The following KIF26B variants were observed in gnomAD, a reference collection of about 807,000 sequenced individuals.
The protein encoded by KIF26B is kinesin family member 26B.
In KIF26B, 63 loss-of-function variants were observed where a neutral mutation model predicts 151.2. That is an observed-to-expected ratio of 0.42 (90% CI 0.34 to 0.51). The LOEUF (loss-of-function observed/expected upper bound fraction) is 0.51, where lower values mean the gene tolerates loss of function less well. Among genes scored for constraint, KIF26B ranks in the 20% least tolerant of loss-of-function variants. The pLI, the probability that KIF26B is intolerant of heterozygous loss-of-function variation, is 0.07. For synonymous variants in KIF26B, 1,357 were observed against 1,262.1 expected (o/e 1.08, Z -1.59); for missense variants, 2,813 against 2,913.6 (o/e 0.97, Z 0.79).
At chr1:245,184,050 G>GTTGTTTTTTTTTTTTTTTTTTTTTTT (rs1553332271) in intron 2 of KIF26B, among the ~76,000 whole-genome samples, 10 of 19,808 alleles carry the variant, frequency 5.0e-4, no homozygotes, top group East Asian at 1.7e-3. Context: ...GGGAGTTGTT[G>GTTGTTTTTTTTTTTTTTTTTTTTTTT]TTTTTTTTTT....
intron 4 of KIF26B, among the ~76,000 whole-genome samples, chr1:245,481,651 GC>G (rs1660169797): frequency 6.6e-6 from 1 of 151,810 alleles, no homozygotes; most frequent in African/African-American, 2.4e-5. Flanking sequence ...CTGTCAACTC[GC>G]CATAAAGACA....
chr1:245,699,529 C>T (rs1012001065), intron 14 of KIF26B, among the ~76,000 whole-genome samples: 6 of 151,722 alleles, frequency 4.0e-5, no homozygotes, highest in African/African-American at 7.3e-5. Context: ...AGTGTTATTT[C>T]CATTTAATAG....
chr1:245,405,684 G>A (rs1558153094), intron 3 of KIF26B, among the ~76,000 whole-genome samples: 1 of 151,854 alleles, frequency 6.6e-6, no homozygotes, highest in Non-Finnish European at 1.5e-5. Flanking sequence ...CGTGAACTAG[G>A]GGTGTGAATC....
chr1:245,182,243 C>T (rs1668920343), intron 2 of KIF26B, among the ~76,000 whole-genome samples: 1 of 152,188 alleles, frequency 6.6e-6, no homozygotes, highest in Non-Finnish European at 1.5e-5. Flanking sequence ...CTACTCCACT[C>T]CCAGGCACAG....
chr1:245,384,526 G>C (rs570835857), intron 3 of KIF26B, among the ~76,000 whole-genome samples: 24 of 152,260 alleles, frequency 1.6e-4, no homozygotes, highest in African/African-American at 5.5e-4. Context: ...GGCTCAAGTG[G>C]TCCTCCCACT....
At chr1:245,535,969 G>GTGA (rs925707634) in intron 4 of KIF26B, among the ~76,000 whole-genome samples, 30 of 152,220 alleles carry the variant, frequency 2.0e-4, no homozygotes, top group African/African-American at 6.5e-4. Flanking sequence ...ATTTATAATA[G>GTGA]TGATGATGAT....
At chr1:245,678,100 A>C (rs2044377624) in intron 10 of KIF26B, among the ~76,000 whole-genome samples, 1 of 152,262 alleles carries the variant, frequency 6.6e-6, no homozygotes, top group Admixed American at 6.5e-5. Flanking sequence ...ATCTTCACAG[A>C]TAGTTGGCTG....
rs1370790141 is a variant in KIF26B at position 245,703,084 on chromosome 1, G to A, written c.*478G>A. 6.4e-6 allele frequency: 1 copy of A among 155,244 alleles called. No homozygotes were observed. Among genetic ancestry groups the A allele is most frequent in the African/African-American group, 2.4e-5 (1 of 41,556 alleles). The allele number at this position is 155,244 out of a possible 1,614,324, so 9.6% of individuals were successfully genotyped here. On this transcript the variant is annotated 3_prime_UTR_variant, in exon 15 of 15. Transcript: ENST00000407071. The stretch of plus-strand genomic sequence containing the variant: ...CTTGTGTACAGATGGTGCTAGTCAA[G>A]ATGAAAACAACAAAACAAACAAGAA...
chr1:245,690,805 G>A (rs61831278), intron 12 of KIF26B, among the ~76,000 whole-genome samples: 5,786 of 152,038 alleles, frequency 0.038, 147 homozygotes, highest in South Asian at 0.078. Context: ...CCTCAATCTC[G>A]GTGACAGCAC....
At chr1:245,596,659 A>T (rs2043338538) in intron 5 of KIF26B, among the ~76,000 whole-genome samples, 1 of 152,200 alleles carries the variant, frequency 6.6e-6, no homozygotes, top group Non-Finnish European at 1.5e-5. Context: ...AGGTTCACTC[A>T]GTCCTGAGCT....
intron 3 of KIF26B, among the ~76,000 whole-genome samples, chr1:245,389,749 C>T (rs1015367711): frequency 2.6e-5 from 4 of 152,066 alleles, no homozygotes; most frequent in African/African-American, 9.7e-5. Context: ...ATGGTACATG[C>T]GCATAATTTA....
At chr1:245,556,345 C>CCCT (rs144022529) in intron 5 of KIF26B, among the ~76,000 whole-genome samples, 3 of 129,010 alleles carry the variant, frequency 2.3e-5, no homozygotes, top group Admixed American at 1.5e-4. Context: ...CCTCCTTCCT[C>CCCT]CCTCCTCCTC....
chr1:245,561,020 C>T (rs1572128035), intron 5 of KIF26B, among the ~76,000 whole-genome samples: 2 of 152,196 alleles, frequency 1.3e-5, no homozygotes, highest in Non-Finnish European at 2.9e-5. Context: ...CCCCAGACCC[C>T]TTAGGAGAAA....
At chr1:245,607,476 G>A (rs990915865) in intron 6 of KIF26B, among the ~76,000 whole-genome samples, 175 bp from the exon 7 acceptor site, 17 of 152,220 alleles carry the variant, frequency 1.1e-4, no homozygotes, top group East Asian at 5.8e-4. Flanking sequence ...TGCAAAGGGC[G>A]GAAGGTCGCC....
chr1:245,663,551 G>A (rs1417015230), intron 10 of KIF26B, among the ~76,000 whole-genome samples: 1 of 151,964 alleles, frequency 6.6e-6, no homozygotes, highest in African/African-American at 2.4e-5. Context: ...ATTTGTGTCT[G>A]GGGGCTACTC....
At chr1:245,561,939 G>A (rs987079311) in intron 5 of KIF26B, among the ~76,000 whole-genome samples, 1 of 152,144 alleles carries the variant, frequency 6.6e-6, no homozygotes, top group East Asian at 1.9e-4. Context: ...GCTCTTTACA[G>A]CTTTCTGTGG....
intron 10 of KIF26B, among the ~76,000 whole-genome samples, chr1:245,675,725 G>A (rs1261482886): frequency 6.6e-6 from 1 of 151,890 alleles, no homozygotes; most frequent in Non-Finnish European, 1.5e-5. Flanking sequence ...GGAGATTATT[G>A]CATTTCTTAA....
At chr1:245,549,265 C>T (rs1242866865) in intron 5 of KIF26B, among the ~76,000 whole-genome samples, 1 of 152,070 alleles carries the variant, frequency 6.6e-6, no homozygotes, top group African/African-American at 2.4e-5. Flanking sequence ...TAATTAGCAT[C>T]CTGATTTATG....
At chr1:245,435,179 C>T (rs926263698) in intron 4 of KIF26B, among the ~76,000 whole-genome samples, 1 of 152,098 alleles carries the variant, frequency 6.6e-6, no homozygotes, top group African/African-American at 2.4e-5. Flanking sequence ...ATCCACCCAC[C>T]CAACCATCCA....
Sources: gnomAD v4.1 joint callset for allele counts (sites outside exome capture counted in the v4.1 genomes callset) on GRCh38, gnomAD v4.1.1 for gene constraint, MANE v1.5 for transcripts, NCBI Gene and HGNC (gene_info 2026-07-23, HGNC 2026-07-21) for gene names.